The following DGKB variants were observed in gnomAD, a reference collection of about 807,000 sequenced individuals.
The protein encoded by DGKB is 90 kDa diacylglycerol kinase.
In DGKB, 67 loss-of-function variants were observed where a neutral mutation model predicts 114.3. That is an observed-to-expected ratio of 0.59 (90% CI 0.48 to 0.72). DGKB has a LOEUF of 0.72. DGKB is among the 30% of genes least tolerant of loss of function. The pLI is 0.00. For synonymous variants in DGKB, 398 were observed against 323.1 expected, an observed-to-expected ratio of 1.23 and a Z score of -2.49; for missense variants, 907 against 975.2, an observed-to-expected ratio of 0.93 and a Z score of 0.93.
intron 23 of DGKB, among the ~76,000 whole-genome samples, chr7:14,219,871 C>T (rs1404354139): frequency 6.6e-6 from 1 of 151,626 alleles, no homozygotes; most frequent in South Asian, 2.1e-4. Context: ...AAGATTTACC[C>T]TTGTTTTCGT....
chr7:14,184,959 T>C (rs1463728649), intron 23 of DGKB, among the ~76,000 whole-genome samples: 1 of 152,070 alleles, frequency 6.6e-6, no homozygotes, highest in African/African-American at 2.4e-5. Context: ...CTCTGAGAAC[T>C]GGAACAAGAC....
intron 2 of DGKB, among the ~76,000 whole-genome samples, chr7:14,816,965 G>C (rs1226962374): frequency 1.3e-5 from 2 of 152,130 alleles, no homozygotes; most frequent in Non-Finnish European, 2.9e-5. Context: ...CTGTATGTAA[G>C]ATGTTTCTTT....
chr7:14,223,323 A>G (rs190871415), intron 23 of DGKB, among the ~76,000 whole-genome samples: 2 of 151,884 alleles, frequency 1.3e-5, no homozygotes, highest in Admixed American at 1.3e-4. Context: ...AGGGCTTACC[A>G]TCTACATCTT....
intron 5 of DGKB, among the ~76,000 whole-genome samples, chr7:14,729,456 C>G (rs1051750400): frequency 6.6e-6 from 1 of 152,140 alleles, no homozygotes; most frequent in African/African-American, 2.4e-5. Context: ...CAGTAAATAT[C>G]AATTTATAAG....
In DGKB at chr7:14,929,407, G is replaced by A. The variant is rs113647617; in HGVS notation, c.-188+45289C>T. On this transcript the variant is annotated intron_variant, in intron 1 of 4. Coordinates refer to the DGKB transcript ENST00000437998. ...TCACCAACATCTGTTATTTTTTGAT[G>A]TGTTAATAGTAGCCATTCTGATCGG... Among the ~76,000 whole-genome samples the A allele has an allele frequency of 7.2e-3, 1,094 of 151,980 alleles. 16 individuals carry two copies. The highest frequency in any genetic ancestry group is 0.025 in the African/African-American group (1,042 of 41,504).
At chr7:14,363,629 T>C (rs1007476499) in intron 21 of DGKB, among the ~76,000 whole-genome samples, 3 of 152,068 alleles carry the variant, frequency 2.0e-5, no homozygotes, top group Admixed American at 6.6e-5. Context: ...TTTAGCTGTG[T>C]AGCATATTTG....
chr7:14,161,245 G>C (rs1391899804), intron 25 of DGKB, among the ~76,000 whole-genome samples: 1 of 152,214 alleles, frequency 6.6e-6, no homozygotes, highest in Non-Finnish European at 1.5e-5. Flanking sequence ...CATTGTGGAA[G>C]ACAGTGTGGC....
At chr7:14,168,170 TA>T (rs1211553320) in intron 25 of DGKB, among the ~76,000 whole-genome samples, 4 of 151,550 alleles carry the variant, frequency 2.6e-5, no homozygotes, top group African/African-American at 9.7e-5. Context: ...ATGAACAACA[TA>T]AAAAATAACT....
At chr7:14,937,813 A>G (rs1659508542) in intron 1 of DGKB, among the ~76,000 whole-genome samples, 1 of 152,146 alleles carries the variant, frequency 6.6e-6, no homozygotes, top group Non-Finnish European at 1.5e-5. Context: ...CATTGTGAAG[A>G]CAACAGGATG....
At chr7:14,458,498 C>A (rs1012837316) in intron 21 of DGKB, among the ~76,000 whole-genome samples, 5 of 152,034 alleles carry the variant, frequency 3.3e-5, no homozygotes, top group African/African-American at 1.2e-4. Context: ...ACTGAGGCAC[C>A]CAGCTCCTCT....
chr7:14,402,064 G>C (rs559932647), intron 21 of DGKB, among the ~76,000 whole-genome samples: 16 of 151,690 alleles, frequency 1.1e-4, no homozygotes, highest in African/African-American at 3.4e-4. Flanking sequence ...GGGTACTACA[G>C]ATTCTTGGGC....
chr7:14,797,984 C>T (rs947583572), intron 2 of DGKB, among the ~76,000 whole-genome samples: 2 of 152,156 alleles, frequency 1.3e-5, no homozygotes, highest in Non-Finnish European at 2.9e-5. Flanking sequence ...AGAAAGCTCT[C>T]AGCAGGGAGA....
exon 1 of DGKB, chr7:14,974,701 G>A (rs751784644): frequency 3.3e-5 from 5 of 152,034 alleles, no homozygotes; most frequent in African/African-American, 4.8e-5. Context: ...CTTACCTTTA[G>A]AGAAACATTA....
intron 12 of DGKB, among the ~76,000 whole-genome samples, chr7:14,677,506 AC>A (rs535248362): frequency 2.0e-5 from 3 of 151,994 alleles, no homozygotes; most frequent in Non-Finnish European, 4.4e-5. Flanking sequence ...ATCTTAATAA[AC>A]AATATTATCT....
rs770705134 is a variant in DGKB, at chr7:14,149,242, G to GA, written c.2305-5dup. On this transcript the variant is annotated splice_region_variant and splice_polypyrimidine_tract_variant and intron_variant, in intron 25 of 25. Coordinates refer to ENST00000402815, the MANE Select transcript of DGKB (RefSeq NM_001350709.2). ...GGTTCTTGTGTGTAATTTTTATCTAGAAAAAAAGAGAGAGAGAGAGAGAGA... is the reference window on the plus strand; with the variant it reads ...GGTTCTTGTGTGTAATTTTTATCTAGAAAAAAAAGAGAGAGAGAGAGAGAGA... 8 of 1,590,474 alleles carry GA rather than the reference G, an allele frequency of 5.0e-6. No individual in the cohort carries two copies. Among genetic ancestry groups the GA allele is most frequent in the African/African-American group, 2.7e-5 (2 of 73,550 alleles).
chr7:14,663,281 A>C (rs1817477508), intron 13 of DGKB, among the ~76,000 whole-genome samples: 1 of 152,010 alleles, frequency 6.6e-6, no homozygotes, highest in Non-Finnish European at 1.5e-5. Flanking sequence ...GATACTTAAC[A>C]TCAATTTTCT....
intron 20 of DGKB, among the ~76,000 whole-genome samples, chr7:14,540,560 A>C (rs563435131): frequency 6.6e-6 from 1 of 152,176 alleles, no homozygotes; most frequent in Non-Finnish European, 1.5e-5. Flanking sequence ...GCTTGTGCAA[A>C]GTCATCACAG....
At chr7:14,322,336 T>C (rs867218450) in intron 23 of DGKB, among the ~76,000 whole-genome samples, 7 of 152,278 alleles carry the variant, frequency 4.6e-5, no homozygotes, top group South Asian at 2.1e-4. Context: ...CAGAAATAAA[T>C]AAACTCATAA....
chr7:14,622,406 C>T (rs1281324339), intron 14 of DGKB, among the ~76,000 whole-genome samples: 2 of 152,032 alleles, frequency 1.3e-5, no homozygotes, highest in African/African-American at 4.8e-5. Context: ...CATTCATTCC[C>T]ACAACTTTCA....
Sources: allele counts gnomAD v4.1 joint callset (sites outside exome capture counted in the v4.1 genomes callset), GRCh38; gene constraint gnomAD v4.1.1; transcripts MANE v1.5; gene names NCBI Gene and HGNC (gene_info 2026-07-23, HGNC 2026-07-21).